Variants in RFX3 observed in about 807,000 individuals in gnomAD.
The protein encoded by RFX3 is transcription factor RFX3.
Under a neutral mutation model 98.6 loss-of-function variants are expected in RFX3, and 14 were observed. That is an observed-to-expected ratio of 0.14 (90% CI 0.09 to 0.22). The LOEUF (loss-of-function observed/expected upper bound fraction) is 0.22, where lower values mean the gene tolerates loss of function less well. Among genes scored for constraint, RFX3 ranks in the 10% least tolerant of loss-of-function variants. The pLI, the probability that RFX3 is intolerant of heterozygous loss-of-function variation, is 1.00. For synonymous variants in RFX3, 383 were observed against 328.4 expected, an observed-to-expected ratio of 1.17 and a Z score of -1.80; for missense variants, 639 against 926.9, an observed-to-expected ratio of 0.69 and a Z score of 4.03.
intron 2 of RFX3, among the ~76,000 whole-genome samples, chr9:3,351,296 T>A (rs1835085910): frequency 1.3e-5 from 2 of 152,054 alleles, no homozygotes; most frequent in African/African-American, 4.8e-5. Context: ...AATCTTTTTT[T>A]TAAAGTGTGT....
At chr9:3,381,862 C>T (rs1422599725) in intron 2 of RFX3, among the ~76,000 whole-genome samples, 1 of 152,108 alleles carries the variant, frequency 6.6e-6, no homozygotes, top group Non-Finnish European at 1.5e-5. Flanking sequence ...ACAGCTTGGC[C>T]AATCTGTAAA....
At chr9:3,505,133 A>T (rs1388402118) in intron 1 of RFX3, among the ~76,000 whole-genome samples, 1 of 98,930 alleles carries the variant, frequency 1.0e-5, no homozygotes, top group Non-Finnish European at 1.8e-5. Context: ...ATATATTTAT[A>T]TTTATATATT....
chr9:3,242,031 C>T (rs139431571), intron 15 of RFX3, among the ~76,000 whole-genome samples: 80 of 152,106 alleles, frequency 5.3e-4, no homozygotes, highest in African/African-American at 1.9e-3. Context: ...GCACATAATC[C>T]CTATTTTGAA....
At chr9:3,270,133 A>AAGGAAAG (rs1824234461) in intron 11 of RFX3, among the ~76,000 whole-genome samples, 1 of 151,908 alleles carries the variant, frequency 6.6e-6, no homozygotes, top group African/African-American at 2.4e-5. Context: ...AAAGGAAAGA[A>AAGGAAAG]AGAAAGAAAA....
intron 1 of RFX3, among the ~76,000 whole-genome samples, chr9:3,462,448 T>G (rs1314756321): frequency 6.6e-6 from 1 of 152,012 alleles, no homozygotes; most frequent in East Asian, 1.9e-4. Context: ...TTATACTTAA[T>G]AGGGAAGGAC....
intron 2 of RFX3, among the ~76,000 whole-genome samples, chr9:3,350,227 G>C (rs1321748839): frequency 6.6e-6 from 1 of 152,086 alleles, no homozygotes; most frequent in African/African-American, 2.4e-5. Flanking sequence ...TCTGATTAAG[G>C]ATTGTTATCC....
At chr9:3,226,707 G>T (rs370930347) in intron 16 of RFX3, among the ~76,000 whole-genome samples, 5 of 152,140 alleles carry the variant, frequency 3.3e-5, no homozygotes, top group African/African-American at 1.2e-4. Context: ...CAGGGAGAGG[G>T]ATACCTTTTG....
intron 1 of RFX3, among the ~76,000 whole-genome samples, chr9:3,410,160 A>C (rs1842331054): frequency 3.9e-5 from 1 of 25,686 alleles, no homozygotes; most frequent in South Asian, 1.8e-3. Flanking sequence ...AGTGAGATAA[A>C]CTGTGTGTGT....
At chr9:3,496,654 A>G (rs1851128901) in intron 1 of RFX3, among the ~76,000 whole-genome samples, 1 of 152,004 alleles carries the variant, frequency 6.6e-6, no homozygotes, top group Non-Finnish European at 1.5e-5. Flanking sequence ...TCTTTCAGGT[A>G]ATATTCCCAT....
chr9:3,331,578 T>C (rs749960853), intron 3 of RFX3, among the ~76,000 whole-genome samples: 84 of 152,166 alleles, frequency 5.5e-4, no homozygotes, highest in Non-Finnish European at 1.1e-3. Flanking sequence ...CTTATATATA[T>C]CTTAAAGCCT....
At chr9:3,475,576 C>T (rs1050284652) in intron 1 of RFX3, among the ~76,000 whole-genome samples, 7 of 152,154 alleles carry the variant, frequency 4.6e-5, no homozygotes, top group South Asian at 4.1e-4. Context: ...GCATATACAG[C>T]GTATGCAATA....
At chr9:3,310,798 T>C (rs899860864) in intron 4 of RFX3, among the ~76,000 whole-genome samples, 2 of 152,188 alleles carry the variant, frequency 1.3e-5, no homozygotes, top group African/African-American at 4.8e-5. Context: ...ATCATTGCCA[T>C]CATATACAAA....
intron 1 of RFX3, among the ~76,000 whole-genome samples, chr9:3,483,157 T>A (rs1310695612): frequency 6.6e-6 from 1 of 152,188 alleles, no homozygotes; most frequent in Non-Finnish European, 1.5e-5. Context: ...CTCTCAGGGC[T>A]GAGCCTGAGT....
At chr9:3,262,831 C>T (rs1020473224) in intron 13 of RFX3, 104 bp downstream of exon 13, 20 of 1,153,928 alleles carry the variant, frequency 1.7e-5, no homozygotes, top group Non-Finnish European at 2.4e-5. Context: ...ATAGATGCTG[C>T]CATATATAGA....
chr9:3,290,222 C>CA (rs942213277), intron 6 of RFX3, among the ~76,000 whole-genome samples: 44 of 150,530 alleles, frequency 2.9e-4, no homozygotes, highest in African/African-American at 1.0e-3. Context: ...AAACAGGAGA[C>CA]ATAATTCATA....
At chr9:3,237,972 C>CAAAA (rs760381489) in intron 15 of RFX3, among the ~76,000 whole-genome samples, 22 of 96,784 alleles carry the variant, frequency 2.3e-4, no homozygotes, top group African/African-American at 6.8e-4. Context: ...GACCCTGTCT[C>CAAAA]AAAAAAAAAA....
intron 1 of RFX3, among the ~76,000 whole-genome samples, chr9:3,442,847 T>C (rs1845720725): frequency 6.6e-6 from 1 of 152,170 alleles, no homozygotes; most frequent in African/African-American, 2.4e-5. Flanking sequence ...TTAGTTATAA[T>C]GCTAATAGCA....
chr9:3,366,325 T>C (rs1837066732), intron 2 of RFX3, among the ~76,000 whole-genome samples: 1 of 152,210 alleles, frequency 6.6e-6, no homozygotes, highest in Non-Finnish European at 1.5e-5. Flanking sequence ...GTTTGTTTTT[T>C]TGCACTTAAC....
intron 1 of RFX3, among the ~76,000 whole-genome samples, chr9:3,396,595 A>T (rs1261338362): frequency 6.6e-6 from 1 of 151,620 alleles, no homozygotes; most frequent in Non-Finnish European, 1.5e-5. Flanking sequence ...TTCTAGTTCT[A>T]GATCCCTGAG....
Sources: gnomAD v4.1 joint callset for allele counts (sites outside exome capture counted in the v4.1 genomes callset) on GRCh38, gnomAD v4.1.1 for gene constraint, MANE v1.5 for transcripts, NCBI Gene and HGNC (gene_info 2026-07-23, HGNC 2026-07-21) for gene names.